The following EXOC4 variants were observed in gnomAD, a reference collection of about 807,000 sequenced individuals.
EXOC4 encodes the protein SEC8-like 1.
In EXOC4, 71 loss-of-function variants were observed where a neutral mutation model predicts 107.2. The ratio of observed to expected loss-of-function variants is 0.66; its 90% CI spans 0.55 to 0.81. The LOEUF (loss-of-function observed/expected upper bound fraction) is 0.81, where lower values mean the gene tolerates loss of function less well. Among genes scored for constraint, EXOC4 ranks in the 30% least tolerant of loss-of-function variants. The pLI, the probability that EXOC4 is intolerant of heterozygous loss-of-function variation, is 0.00. For synonymous variants in EXOC4, 456 were observed against 441.2 expected (o/e 1.03, Z -0.42); for missense variants, 1,108 against 1,189.6 (o/e 0.93, Z 1.01).
intron 10 of EXOC4, among the ~76,000 whole-genome samples, chr7:133,632,652 G>C (rs1028983212): frequency 3.9e-5 from 6 of 152,000 alleles, no homozygotes; most frequent in Non-Finnish European, 7.4e-5. Flanking sequence ...TATCACGCTT[G>C]TGTATTTTAT....
chr7:133,900,450 G>C (rs566232575), intron 12 of EXOC4, among the ~76,000 whole-genome samples: 1 of 152,312 alleles, frequency 6.6e-6, no homozygotes, highest in East Asian at 1.9e-4. Context: ...AAATGTCTAG[G>C]ATGTGGAAAG....
At chr7:133,541,635 G>C (rs982592491) in intron 9 of EXOC4, among the ~76,000 whole-genome samples, 1 of 151,956 alleles carries the variant, frequency 6.6e-6, no homozygotes, top group East Asian at 1.9e-4. Context: ...AAGTAGCTGA[G>C]ACTACAGGCA....
intron 9 of EXOC4, among the ~76,000 whole-genome samples, chr7:133,568,551 C>T (rs1322543182): frequency 4.6e-5 from 7 of 152,212 alleles, no homozygotes; most frequent in Non-Finnish European, 8.8e-5. Context: ...GGAAATCATT[C>T]GACTTCTGCC....
intron 17 of EXOC4, among the ~76,000 whole-genome samples, chr7:134,028,480 G>A (rs1367696656): frequency 1.3e-5 from 2 of 152,204 alleles, no homozygotes; most frequent in Non-Finnish European, 2.9e-5. Flanking sequence ...CCGCAATTAT[G>A]TGAGAATAAC....
chr7:133,917,749 C>T lies in EXOC4; in HGVS notation c.2027+11C>T, dbSNP rs750578012. On this transcript the variant is annotated intron_variant, in intron 13 of 17. Coordinates refer to ENST00000253861, the MANE Select transcript of EXOC4 (RefSeq NM_021807.4). Reference sequence around the variant, plus strand: ...AGAAGATTTCATAAGGTAAAAGGTCCATTTTCTAAGTTGTCCTAAACATAG... The same window carrying T: ...AGAAGATTTCATAAGGTAAAAGGTCTATTTTCTAAGTTGTCCTAAACATAG... The T allele has an allele frequency of 1.9e-6, 3 of 1,612,612 alleles. No individual in the cohort carries two copies. Among genetic ancestry groups the T allele is most frequent in the African/African-American group, 1.3e-5 (1 of 74,854 alleles).
At chr7:133,464,338 G>A (rs1310761810) in intron 7 of EXOC4, among the ~76,000 whole-genome samples, 1 of 152,156 alleles carries the variant, frequency 6.6e-6, no homozygotes, top group Non-Finnish European at 1.5e-5. Context: ...ACTTGACCAA[G>A]GTCACATAAC....
intron 6 of EXOC4, among the ~76,000 whole-genome samples, chr7:133,361,658 T>C (rs141736447): frequency 4.7e-4 from 71 of 152,346 alleles, no homozygotes; most frequent in South Asian, 1.0e-3. Context: ...GATTGTATTA[T>C]CAAATACTTT....
intron 12 of EXOC4, among the ~76,000 whole-genome samples, chr7:133,905,974 A>G (rs1347682399): frequency 6.6e-6 from 1 of 152,170 alleles, no homozygotes; most frequent in East Asian, 1.9e-4. Flanking sequence ...AGCAGCATGG[A>G]CGACCATGGT....
At chr7:133,739,726 G>A (rs1187500363) in intron 10 of EXOC4, among the ~76,000 whole-genome samples, 1 of 152,166 alleles carries the variant, frequency 6.6e-6, no homozygotes, top group Non-Finnish European at 1.5e-5. Context: ...TAAACACACA[G>A]GGAAGAGAAT....
rs1803005820 is a variant in EXOC4, at chr7:133,646,864, C to T, written c.1514+16723C>T. ...AATATATTAGCATATCCTAAGAAACCCAGGTATTTGAATGTTCCTAAGACA... is the reference window on the plus strand; with the variant it reads ...AATATATTAGCATATCCTAAGAAACTCAGGTATTTGAATGTTCCTAAGACA... On this transcript the variant is annotated intron_variant, in intron 10 of 17. Coordinates refer to ENST00000253861, the MANE Select transcript of EXOC4 (RefSeq NM_021807.4). Among the ~76,000 whole-genome samples, 2 of 152,036 alleles carry T rather than the reference C, an allele frequency of 1.3e-5. 1 individual carries two copies. The highest frequency in any genetic ancestry group is 3.9e-4 in the East Asian group (2 of 5,180).
chr7:133,656,975 T>A (rs1803314805), intron 10 of EXOC4, among the ~76,000 whole-genome samples: 1 of 152,152 alleles, frequency 6.6e-6, no homozygotes, highest in African/African-American at 2.4e-5. Context: ...TAACATATGC[T>A]GTGAAGATGT....
intron 7 of EXOC4, among the ~76,000 whole-genome samples, chr7:133,432,604 T>A (rs977649980): frequency 6.6e-6 from 1 of 152,214 alleles, no homozygotes; most frequent in Non-Finnish European, 1.5e-5. Context: ...AAGTTAACTT[T>A]TAAATGTATG....
chr7:133,793,577 G>T (rs189661958), intron 10 of EXOC4, among the ~76,000 whole-genome samples: 1 of 152,296 alleles, frequency 6.6e-6, no homozygotes, highest in Non-Finnish European at 1.5e-5. Flanking sequence ...AGGTGCGGTG[G>T]CTCACACCTG....
chr7:133,498,415 C>G (rs1799518802), intron 9 of EXOC4, among the ~76,000 whole-genome samples: 1 of 152,114 alleles, frequency 6.6e-6, no homozygotes, highest in Non-Finnish European at 1.5e-5. Context: ...GAAACCCCGT[C>G]TCTACTAAAA....
chr7:133,702,180 T>C (rs1406075015), intron 10 of EXOC4, among the ~76,000 whole-genome samples: 1 of 151,544 alleles, frequency 6.6e-6, no homozygotes, highest in African/African-American at 2.4e-5. Flanking sequence ...ACATAAATAC[T>C]TAATAGCAAA....
intron 9 of EXOC4, among the ~76,000 whole-genome samples, chr7:133,597,318 C>G (rs1366860619): frequency 2.0e-5 from 3 of 152,118 alleles, no homozygotes; most frequent in Non-Finnish European, 4.4e-5. Context: ...CTTTGGGAGG[C>G]CGAGGCGGGT....
intron 11 of EXOC4, among the ~76,000 whole-genome samples, chr7:133,825,842 A>AT (rs998395268): frequency 2.6e-5 from 4 of 151,710 alleles, no homozygotes; most frequent in African/African-American, 7.3e-5. Flanking sequence ...TGATCAATTG[A>AT]TTTTTTTTCC....
intron 5 of EXOC4, among the ~76,000 whole-genome samples, chr7:133,352,699 A>G (rs1435597790): frequency 6.6e-6 from 1 of 151,872 alleles, no homozygotes; most frequent in African/African-American, 2.4e-5. Context: ...TTCTATATGC[A>G]TTATTTTTTT....
At chr7:133,253,321 C>T (rs1794936142) in intron 1 of EXOC4, 134 bp downstream of exon 1, 2 of 1,425,200 alleles carry the variant, frequency 1.4e-6, no homozygotes, top group Non-Finnish European at 1.8e-6. Context: ...CTCCCCAGGG[C>T]TCTAACCCCT....
Sources: allele counts gnomAD v4.1 joint callset (sites outside exome capture counted in the v4.1 genomes callset), GRCh38; gene constraint gnomAD v4.1.1; transcripts MANE v1.5; gene names NCBI Gene and HGNC (gene_info 2026-07-23, HGNC 2026-07-21).